Variants in PNLIP observed in about 807,000 individuals in gnomAD.
PNLIP encodes the protein pancreatic lipase.
A neutral mutation model predicts 57.1 loss-of-function variants in PNLIP; 49 were observed. The observed-to-expected ratio is 0.86, with a 90% confidence interval of 0.68 to 1.09. The LOEUF (loss-of-function observed/expected upper bound fraction) is 1.09. PNLIP is among the 50% of genes least tolerant of loss of function. PNLIP has a pLI of 0.00. For missense variants in PNLIP, 503 were observed against 570.2 expected (o/e 0.88, Z 1.20); for synonymous variants, 209 against 200.4 (o/e 1.04, Z -0.36).
intron 9 of PNLIP, among the ~76,000 whole-genome samples, chr10:116,558,631 G>GTT (rs377138845): frequency 4.1e-5 from 6 of 146,966 alleles, no homozygotes; most frequent in African/African-American, 1.2e-4. Context: ...TGTATGATTT[G>GTT]TTTTTTTTTT....
intron 4 of PNLIP, 30 bp downstream of exon 4, chr10:116,548,512 T>A (rs1263552800): frequency 6.2e-7 from 1 of 1,607,712 alleles, no homozygotes; most frequent in Non-Finnish European, 8.5e-7. Context: ...CAAGGAAAGA[T>A]CGTTTCCAAA....
chr10:116,563,238 T>A (rs578131294), intron 12 of PNLIP, among the ~76,000 whole-genome samples: 93 of 152,298 alleles, frequency 6.1e-4, no homozygotes, highest in African/African-American at 2.2e-3. Context: ...TTCTTTAGAC[T>A]TTAGGAATAG....
chr10:116,559,893 C>A (rs1282678242), intron 10 of PNLIP, among the ~76,000 whole-genome samples: 2 of 152,114 alleles, frequency 1.3e-5, no homozygotes, highest in African/African-American at 4.8e-5. Flanking sequence ...TATTGGCTAG[C>A]ACCAAGAAAA....
chr10:116,552,789 G>T (rs889722098), intron 5 of PNLIP, among the ~76,000 whole-genome samples: 2 of 152,110 alleles, frequency 1.3e-5, no homozygotes, highest in African/African-American at 4.8e-5. Context: ...GGGAGGCTGA[G>T]GCAGGAGAAT....
Position 116,546,090 on chromosome 10 carries a change from T to C in PNLIP, c.1-3T>C, listed in dbSNP as rs751384216. ...ACTCAATCATGTTTTTAATTTCGTG[T>C]AGATGCTGCCACTTTGGACTCTTTC... is the stretch of plus-strand genomic sequence containing the variant. On this transcript the variant is annotated splice_polypyrimidine_tract_variant and splice_region_variant and intron_variant, in intron 1 of 12. Transcript: ENST00000369221. 1 of 1,613,874 alleles carries C rather than the reference T, an allele frequency of 6.2e-7. No homozygotes were observed. The highest frequency in any genetic ancestry group is 8.5e-7 in the Non-Finnish European group (1 of 1,179,718).
intron 12 of PNLIP, among the ~76,000 whole-genome samples, chr10:116,566,949 T>C (rs1285249054): frequency 4.6e-5 from 7 of 152,084 alleles, no homozygotes; most frequent in Non-Finnish European, 1.0e-4. Flanking sequence ...TCCTAAGTAT[T>C]GTTCAGCCTG....
rs750712142 is a variant in PNLIP, at chr10:116,551,216, T to C, written c.443T>C (p.Phe148Ser). ...IRIVGAEVAY[F>S]VEFLQSAFGY... is the part of the protein sequence containing the mutation. ...ATCGTGGGAGCAGAAGTGGCATATTTTGTTGAATTTCTTCAGGTAATTACT... is the reference window on the plus strand; with the variant it reads ...ATCGTGGGAGCAGAAGTGGCATATTCTGTTGAATTTCTTCAGGTAATTACT... Residue 148 changes from phenylalanine (F) to serine (S), a missense_variant, in exon 5 of 13, where the codon TTT becomes TCT. Coordinates refer to ENST00000369221, the MANE Select transcript of PNLIP (RefSeq NM_000936.4). 1.2e-6 allele frequency: 2 copies of C among 1,611,476 alleles called. No individual in the cohort carries two copies. The highest frequency in any genetic ancestry group is 1.7e-6 in the Non-Finnish European group (2 of 1,178,574).
intron 4 of PNLIP, among the ~76,000 whole-genome samples, chr10:116,549,606 G>A (rs1847168831): frequency 6.6e-6 from 1 of 152,180 alleles, no homozygotes; most frequent in Non-Finnish European, 1.5e-5. Flanking sequence ...AGACAGATGA[G>A]CACTGTAGAA....
intron 5 of PNLIP, among the ~76,000 whole-genome samples, chr10:116,553,037 G>A (rs958953753): frequency 2.6e-5 from 4 of 152,124 alleles, no homozygotes; most frequent in African/African-American, 9.7e-5. Context: ...TCCATGACTT[G>A]CCCAGAGCAA....
intron 6 of PNLIP, among the ~76,000 whole-genome samples, chr10:116,554,077 C>T (rs776256077): frequency 1.3e-5 from 2 of 152,102 alleles, no homozygotes; most frequent in Non-Finnish European, 2.9e-5. Context: ...CTGAATTGGG[C>T]CCCATGATCA....
chr10:116,562,561 A>G (rs746691820), intron 12 of PNLIP, among the ~76,000 whole-genome samples: 2 of 152,196 alleles, frequency 1.3e-5, no homozygotes, highest in African/African-American at 2.4e-5. Context: ...GAGAAGATCC[A>G]GGGAAGTAGA....
At chr10:116,559,678 C>A (rs977946032) in intron 10 of PNLIP, among the ~76,000 whole-genome samples, 3 of 152,026 alleles carry the variant, frequency 2.0e-5, no homozygotes, top group African/African-American at 7.3e-5. Flanking sequence ...ATTTAAGAGA[C>A]GTTTAGGATT....
At chr10:116,553,944 TA>T (rs1321029698) in intron 6 of PNLIP, 106 bp downstream of exon 6, 45,062 of 387,340 alleles carry the variant, frequency 0.12, 1 homozygote, top group South Asian at 0.15. Flanking sequence ...CCTATCTCCT[TA>T]AAAAAAAAAA....
intron 9 of PNLIP, among the ~76,000 whole-genome samples, chr10:116,556,588 T>G (rs1362979091): frequency 6.6e-6 from 1 of 152,190 alleles, no homozygotes; most frequent in Non-Finnish European, 1.5e-5. Context: ...TTGGTTGAAT[T>G]ATTTATTTAA....
chr10:116,547,251 A>C, intron 2 of PNLIP, 43 bp from the exon 3 acceptor site: 1 of 1,597,150 alleles, frequency 6.3e-7, no homozygotes, highest in Non-Finnish European at 8.6e-7. Flanking sequence ...GATCATTAAA[A>C]AGAGCATGTT....
rs150070759 is a variant in PNLIP, at chr10:116,547,680, C to T, written c.201+232C>T. On this transcript the variant is annotated intron_variant, in intron 3 of 12. Coordinates refer to ENST00000369221, the MANE Select transcript of PNLIP (RefSeq NM_000936.4). ...GGCAGAGCTTGCAGTAAGCCGAGAT[C>T]GCGCCACTGCACTCCAGCCTGGGCG... is the stretch of plus-strand genomic sequence containing the variant. Among the ~76,000 whole-genome samples, 904 of 145,664 alleles carry T rather than the reference C, an allele frequency of 6.2e-3. 5 individuals are homozygous for T. The highest frequency in any genetic ancestry group is 0.012 in the African/African-American group (460 of 38,968).
chr10:116,553,687 T>G (rs762376268), intron 5 of PNLIP, 40 bp from the exon 6 acceptor site: 7 of 1,224,908 alleles, frequency 5.7e-6, no homozygotes, highest in Non-Finnish European at 7.2e-6. Flanking sequence ...AACTCATGAC[T>G]GCACTTGAAA....
At chr10:116,558,737 G>A (rs1409685275) in intron 9 of PNLIP, among the ~76,000 whole-genome samples, 1 of 151,524 alleles carries the variant, frequency 6.6e-6, no homozygotes. Context: ...CGATTCTCCT[G>A]CCTCAGCCTC....
intron 9 of PNLIP, among the ~76,000 whole-genome samples, chr10:116,558,495 A>T (rs1847279935): frequency 6.6e-6 from 1 of 151,770 alleles, no homozygotes; most frequent in Middle Eastern, 3.4e-3. Flanking sequence ...TGCACAGCCA[A>T]CTTATGCAAT....
Sources: allele counts gnomAD v4.1 joint callset (sites outside exome capture counted in the v4.1 genomes callset), GRCh38; gene constraint gnomAD v4.1.1; transcripts MANE v1.5; gene names NCBI Gene and HGNC (gene_info 2026-07-23, HGNC 2026-07-21).